The following HDAC7 variants were observed in gnomAD, a reference collection of about 807,000 sequenced individuals.
HDAC7 encodes the protein histone deacetylase 7.
A neutral mutation model predicts 115.5 loss-of-function variants in HDAC7; 26 were observed. The observed-to-expected ratio is 0.23, with a 90% CI of 0.16 to 0.31. HDAC7 has a LOEUF of 0.31. Among genes scored for constraint, HDAC7 ranks in the 10% least tolerant of loss-of-function variants. The pLI is 1.00. For synonymous variants in HDAC7, 564 were observed against 550.9 expected (o/e 1.02, Z -0.33); for missense variants, 1,068 against 1,329.0 (o/e 0.80, Z 3.05).
At chr12:47,794,245 C>T (rs1943684467) in intron 12 of HDAC7, among the ~76,000 whole-genome samples, 1 of 152,224 alleles carries the variant, frequency 6.6e-6, no homozygotes. Flanking sequence ...CCAGAAGGAA[C>T]CAACTCCACC....
At chr12:47,790,348 C>T (rs1466972375) in intron 16 of HDAC7, 2 of 188,976 alleles carry the variant, frequency 1.1e-5, no homozygotes, top group Non-Finnish European at 2.3e-5. Flanking sequence ...CTGGGAGGCC[C>T]CCCAAACCCA....
chr12:47,810,325 G>C (rs1390015594), intron 1 of HDAC7, among the ~76,000 whole-genome samples: 2 of 152,232 alleles, frequency 1.3e-5, no homozygotes, highest in Non-Finnish European at 2.9e-5. Flanking sequence ...AGGTCACACA[G>C]ATGGTATGTG....
In HDAC7 at chr12:47,802,230, C is replaced by G; in HGVS notation, c.64G>C (p.Gly22Arg). 2 of 1,613,844 alleles carry G rather than the reference C, an allele frequency of 1.2e-6. No homozygotes were observed. Among genetic ancestry groups the G allele is most frequent in the Non-Finnish European group, 1.7e-6 (2 of 1,179,944 alleles). ...CCCCGGGTTTGACTCTTACCTGCGC[C>G]AGTGGGGCTGCAGTAGTGGGCACCC... Reference protein sequence around the residue: ...SPGAHYCSPTGAGCPRPCADT... With the variant: ...SPGAHYCSPTRAGCPRPCADT... The change falls in exon 2 of 26, where the codon GGC becomes CGC. Residue 22 changes from glycine to arginine, a missense_variant. Transcript: ENST00000080059.
At chr12:47,799,039 TC>T in intron 2 of HDAC7, 67 bp from the exon 3 acceptor site, 1 of 1,148,426 alleles carries the variant, frequency 8.7e-7, no homozygotes, top group South Asian at 1.8e-5. Flanking sequence ...TACAGCCTGA[TC>T]CCCCCTCAGC....
chr12:47,796,945 G>C, intron 7 of HDAC7, 72 bp downstream of exon 7: 1 of 1,471,174 alleles, frequency 6.8e-7, no homozygotes, highest in Non-Finnish European at 9.0e-7. Flanking sequence ...CTGTCTAGGT[G>C]GGGCCTGACC....
chr12:47,819,113 A>G (rs1214782071), intron 1 of HDAC7: 1 of 152,340 alleles, frequency 6.6e-6, no homozygotes, highest in Non-Finnish European at 1.5e-5. Flanking sequence ...TGACCTCCAC[A>G]GCTCACCAGG....
rs1944015634 is a variant in HDAC7 at position 47,798,821 on chromosome 12, T to G, written c.222A>C (p.Ala74=). 3.8e-6 allele frequency: 6 copies of G among 1,559,062 alleles called. No individual in the cohort carries two copies. The African/African-American group carries it at 6.8e-5, about 18-fold the overall frequency. The change falls in exon 3 of 26, where the codon GCA becomes GCC. Residue 74 remains alanine (A), a synonymous_variant. Transcript: ENST00000080059. The surrounding 1 kb of genome is among the most constrained non-coding windows in gnomAD (Gnocchi z 4.3). ...CCACCGAGCGCTGCTGCTGCAGGCCTGCTAGGAAGAGGTGGTGGTGCAGGC... is the reference window on the plus strand; with the variant it reads ...CCACCGAGCGCTGCTGCTGCAGGCCGGCTAGGAAGAGGTGGTGGTGCAGGC... ...PQRLHHHLFL[A]GLQQQRSVEP...
At chr12:47,791,487 G>A (rs1352596311) in intron 15 of HDAC7, 99 bp downstream of exon 15, 2 of 1,486,108 alleles carry the variant, frequency 1.3e-6, no homozygotes, top group Non-Finnish European at 1.8e-6. Flanking sequence ...CGTCCAGGGT[G>A]CAGGAGGAGG....
chr12:47,789,239 G>T, intron 19 of HDAC7, 22 bp downstream of exon 19: 1 of 1,580,960 alleles, frequency 6.3e-7, no homozygotes, highest in Non-Finnish European at 8.7e-7. Context: ...CGAATTGGAG[G>T]GTGCTACGGA....
intron 1 of HDAC7, among the ~76,000 whole-genome samples, chr12:47,818,630 G>A (rs556411200): frequency 2.0e-5 from 3 of 152,354 alleles, no homozygotes; most frequent in Admixed American, 1.3e-4. Context: ...AACAGGCTGA[G>A]AAGTTGATCT....
rs1475170621 is a variant in HDAC7 at position 47,797,853 on chromosome 12, A to AGG, written c.461+253_461+254dup. 1.2e-3 allele frequency among the ~76,000 whole-genome samples: 73 copies of AGG among 60,062 alleles called. No homozygotes were observed. The highest frequency in any genetic ancestry group is 0.016 in the Middle Eastern group (2 of 126). 39.4% of individuals were successfully genotyped at this position (60,062 alleles called of 152,430 possible). A position where few individuals can be genotyped will look rare whatever the true frequency, so the allele number is the denominator to read the frequency against. On this transcript the variant is annotated intron_variant, in intron 5 of 25. Coordinates refer to ENST00000080059, the MANE Select transcript of HDAC7 (RefSeq NM_015401.5). This position sits in a 1 kb window ranked among gnomAD's most constrained non-coding sequence, Gnocchi z 5.5. ...GCTCATGTGCAAGAAAAAAGCCAGT[A>AGG]GGGTGTGTGTGTGTGTGTGTGTGTG... is the stretch of plus-strand genomic sequence containing the variant.
chr12:47,796,173 G>A, intron 8 of HDAC7, 34 bp downstream of exon 8: 1 of 1,579,732 alleles, frequency 6.3e-7, no homozygotes, highest in Non-Finnish European at 8.6e-7. Flanking sequence ...CCTCAGAACT[G>A]CCCCAGGAGA....
intron 1 of HDAC7, among the ~76,000 whole-genome samples, chr12:47,805,413 A>C (rs1944358308): frequency 6.6e-6 from 1 of 152,042 alleles, no homozygotes; most frequent in Non-Finnish European, 1.5e-5. Flanking sequence ...CAGCAAGAAG[A>C]CCTAGGCCCC....
chr12:47,800,520 C>T (rs962758510), intron 2 of HDAC7, among the ~76,000 whole-genome samples: 1 of 152,186 alleles, frequency 6.6e-6, no homozygotes, highest in Non-Finnish European at 1.5e-5. Flanking sequence ...AGATGCCGCC[C>T]GCAGTAGAAA....
intron 15 of HDAC7, 74 bp downstream of exon 15, chr12:47,791,512 A>C: frequency 6.5e-7 from 1 of 1,530,058 alleles, no homozygotes; most frequent in Non-Finnish European, 8.8e-7. Flanking sequence ...CTGGGCGGGC[A>C]GAGCCGAGAC....
Position 47,795,404 on chromosome 12 carries a change from T to A in HDAC7, c.1088-24A>T. 1 of 1,536,764 alleles carries A rather than the reference T, an allele frequency of 6.5e-7. No homozygotes were observed. Among genetic ancestry groups the A allele is most frequent in the Non-Finnish European group, 8.7e-7 (1 of 1,144,084 alleles). ...CACTGGAAAGAATCGGGGGGTGGAATAAGGAGGGAACCACAGGGAGCAATG... is the reference window on the plus strand; with the variant it reads ...CACTGGAAAGAATCGGGGGGTGGAAAAAGGAGGGAACCACAGGGAGCAATG... On this transcript the variant is annotated intron_variant, in intron 10 of 25. Transcript: ENST00000080059. The surrounding 1 kb of genome is among the most constrained non-coding windows in gnomAD (Gnocchi z 4.3).
chr12:47,815,852 CT>C (rs1344098433), intron 1 of HDAC7, among the ~76,000 whole-genome samples: 1 of 150,206 alleles, frequency 6.7e-6, no homozygotes, highest in African/African-American at 2.5e-5. Flanking sequence ...TTCAAGTGAT[CT>C]GCCTGTTTCA....
chr12:47,785,287 C>A, intron 24 of HDAC7, 100 bp downstream of exon 24: 2 of 977,568 alleles, frequency 2.0e-6, no homozygotes, highest in Non-Finnish European at 1.5e-6. Flanking sequence ...AGCAGGTCAC[C>A]TGGCTGGCAC....
chr12:47,812,598 G>A (rs1421389687), intron 1 of HDAC7, among the ~76,000 whole-genome samples: 1 of 152,116 alleles, frequency 6.6e-6, no homozygotes, highest in Non-Finnish European at 1.5e-5. Flanking sequence ...AGGAGAAACC[G>A]AGACTCAGCC....
Sources: allele counts gnomAD v4.1 joint callset (sites outside exome capture counted in the v4.1 genomes callset), GRCh38; gene constraint gnomAD v4.1.1; non-coding constraint Gnocchi (gnomAD v3.1); transcripts MANE v1.5; gene names NCBI Gene and HGNC (gene_info 2026-07-23, HGNC 2026-07-21).